Variants in USP32 observed in about 807,000 individuals in gnomAD.
USP32 encodes ubiquitin carboxyl-terminal hydrolase 32.
USP32 carries 59 observed loss-of-function variants against 204.8 expected under a neutral mutation model. The observed-to-expected ratio is 0.29, with a 90% CI of 0.23 to 0.36. The LOEUF is 0.36. Ranked by LOEUF, USP32 falls within the 10% of genes least tolerant of loss-of-function variation. The probability of loss-of-function intolerance (pLI) is 1.00; values close to 1 mark genes in which losing one functional copy is unlikely to be tolerated. For synonymous variants in USP32, 517 were observed against 678.4 expected, an observed-to-expected ratio of 0.76 and a Z score of 3.70; for missense variants, 1,160 against 1,946.4, an observed-to-expected ratio of 0.60 and a Z score of 7.60.
In USP32 at chr17:60,317,967, A is replaced by C. The variant is rs549623091; in HGVS notation, c.187-16263T>G. On this transcript the variant is annotated intron_variant, in intron 2 of 33. Transcript: ENST00000300896. ...GCCACTGCACTCCAGCCTCGGCGACAGAGCCAGACTCCGTCTCAAGAAAAC... is the reference window on the plus strand; with the variant it reads ...GCCACTGCACTCCAGCCTCGGCGACCGAGCCAGACTCCGTCTCAAGAAAAC... Among the ~76,000 whole-genome samples, 5 of 152,392 alleles carry C rather than the reference A, an allele frequency of 3.3e-5. No homozygotes were observed. In the East Asian group the frequency reaches 9.6e-4, roughly 29 times the overall value.
chr17:60,361,398 C>T (rs1407215069), intron 1 of USP32, among the ~76,000 whole-genome samples: 2 of 152,146 alleles, frequency 1.3e-5, no homozygotes, highest in African/African-American at 4.8e-5. Context: ...TCCTTATGTG[C>T]TGTATAGTTT....
intron 26 of USP32, 40 bp downstream of exon 26, chr17:60,205,407 C>A: frequency 3.8e-6 from 6 of 1,597,268 alleles, no homozygotes; most frequent in Non-Finnish European, 4.3e-6. Flanking sequence ...ACAAATGACA[C>A]TAGCAAGACT....
Position 60,268,582 on chromosome 17 carries a change from CAAAAAAAAA to C in USP32, c.811+859_811+867del, listed in dbSNP as rs57060420. On this transcript the variant is annotated intron_variant, in intron 7 of 33. Coordinates refer to ENST00000300896, the MANE Select transcript of USP32 (RefSeq NM_032582.4). ...TGGGCAACAGAACAAGACCCTGTCT[CAAAAAAAAA>C]AAAAAAAAAAAAAAGATTTTAGCTT... 4.4e-3 allele frequency among the ~76,000 whole-genome samples: 199 copies of C among 45,474 alleles called. 3 individuals carry two copies. Among genetic ancestry groups the C allele is most frequent in the African/African-American group, 0.013 (194 of 14,648 alleles). The allele number at this position is 45,474 out of a possible 152,430, so 29.8% of individuals were successfully genotyped here. A position where few individuals can be genotyped will look rare whatever the true frequency, so the allele number is the denominator to read the frequency against.
chr17:60,403,186 ATTT>A (rs1183590779), intron 1 of USP32, among the ~76,000 whole-genome samples: 1 of 151,862 alleles, frequency 6.6e-6, no homozygotes, highest in Non-Finnish European at 1.5e-5. Flanking sequence ...TAATTTTTGT[ATTT>A]TTAGTAGAGA....
At chr17:60,332,582 A>G (rs1166832907) in intron 2 of USP32, among the ~76,000 whole-genome samples, 1 of 151,996 alleles carries the variant, frequency 6.6e-6, no homozygotes, top group Non-Finnish European at 1.5e-5. Flanking sequence ...CAGGAGGCGG[A>G]GACTGCAGTG....
In USP32 at chr17:60,264,507, C is replaced by A. The variant is rs1434312208; in HGVS notation, c.990+905G>T. Among the ~76,000 whole-genome samples the A allele has an allele frequency of 1.3e-5, 2 of 150,790 alleles. 1 individual carries two copies. Among genetic ancestry groups the A allele is most frequent in the African/African-American group, 4.9e-5 (2 of 40,724 alleles). ...TCTAGCCTAGGCAACAGAGCAAGATCCTGTCTCCAAAAAAACAAACAGACA... is the reference window on the plus strand; with the variant it reads ...TCTAGCCTAGGCAACAGAGCAAGATACTGTCTCCAAAAAAACAAACAGACA... On this transcript the variant is annotated intron_variant, in intron 9 of 33. Coordinates refer to ENST00000300896, the MANE Select transcript of USP32 (RefSeq NM_032582.4).
chr17:60,353,014 C>T (rs559817336), intron 1 of USP32, among the ~76,000 whole-genome samples: 1 of 152,352 alleles, frequency 6.6e-6, no homozygotes, highest in East Asian at 1.9e-4. Flanking sequence ...GAATATATTA[C>T]ATTGTATTTA....
chr17:60,338,067 G>A (rs1045930655), intron 2 of USP32, among the ~76,000 whole-genome samples: 5 of 152,118 alleles, frequency 3.3e-5, no homozygotes, highest in Non-Finnish European at 5.9e-5. Context: ...CTCATGCCTT[G>A]TAATCCAGTC....
chr17:60,307,360 C>T (rs923590604), intron 2 of USP32, among the ~76,000 whole-genome samples: 1 of 152,156 alleles, frequency 6.6e-6, no homozygotes, highest in African/African-American at 2.4e-5. Flanking sequence ...CTTGGTCTCC[C>T]AAAGTGCTGG....
intron 1 of USP32, among the ~76,000 whole-genome samples, chr17:60,409,231 C>T (rs1264897956): frequency 3.3e-5 from 5 of 152,136 alleles, no homozygotes; most frequent in South Asian, 2.1e-4. Context: ...GCCTGTAATC[C>T]CCGCTGCTAG....
chr17:60,270,842 AG>A (rs913924531), intron 6 of USP32, among the ~76,000 whole-genome samples: 6 of 151,784 alleles, frequency 4.0e-5, no homozygotes, highest in Non-Finnish European at 8.8e-5. Context: ...AAAAAAAAAA[AG>A]TAACAGCACT....
At chr17:60,337,909 C>T (rs767847952) in intron 2 of USP32, among the ~76,000 whole-genome samples, 9 of 151,644 alleles carry the variant, frequency 5.9e-5, no homozygotes, top group East Asian at 2.0e-4. Flanking sequence ...TTAGACAAGA[C>T]GTACATGAAC....
rs11309727 is a variant in USP32 at position 60,225,952 on chromosome 17, C to CAA, written c.1432+85_1432+86dup. The CAA allele has an allele frequency of 1.1e-3, 1,124 of 1,012,454 alleles. 2 individuals are homozygous for CAA. The African/African-American group carries it at 0.013, about 12-fold the overall frequency. The allele number at this position is 1,012,454 out of a possible 1,614,324, so 62.7% of individuals were successfully genotyped here. On this transcript the variant is annotated intron_variant, in intron 13 of 33. Transcript: ENST00000300896. Reference sequence around the variant, plus strand: ...CTGGGCAAAATGTGAAACTCAGTCTCAAAAAAAAAAAAAAAAAAGAAAAGA... The same window carrying CAA: ...CTGGGCAAAATGTGAAACTCAGTCTCAAAAAAAAAAAAAAAAAAAAGAAAAGA...
intron 1 of USP32, among the ~76,000 whole-genome samples, chr17:60,418,853 G>A (rs2090083404): frequency 6.6e-6 from 1 of 152,122 alleles, no homozygotes; most frequent in African/African-American, 2.4e-5. Context: ...TGATTAAAAA[G>A]TCAAAAAATA....
chr17:60,347,932 C>A (rs1334142346), intron 1 of USP32, among the ~76,000 whole-genome samples: 1 of 151,704 alleles, frequency 6.6e-6, no homozygotes, highest in Non-Finnish European at 1.5e-5. Flanking sequence ...ACCATCCTGG[C>A]TAGCACAATG....
chr17:60,238,586 T>C (rs971683873), intron 11 of USP32, among the ~76,000 whole-genome samples: 2 of 152,048 alleles, frequency 1.3e-5, no homozygotes, highest in Non-Finnish European at 2.9e-5. Flanking sequence ...GCAGATAACC[T>C]GAGGTCAGGA....
intron 5 of USP32, among the ~76,000 whole-genome samples, chr17:60,283,571 T>G (rs888364901): frequency 2.6e-5 from 4 of 151,934 alleles, no homozygotes; most frequent in African/African-American, 9.7e-5. Context: ...GAATCTAATA[T>G]GAAGCTTGAC....
chr17:60,351,927 T>G (rs1231049176), intron 1 of USP32, among the ~76,000 whole-genome samples: 1 of 151,344 alleles, frequency 6.6e-6, no homozygotes, highest in African/African-American at 2.4e-5. Flanking sequence ...TCCTAAAGAG[T>G]AGGGGTTCAC....
At position 60,185,575 on chromosome 17, in the gene USP32, C is replaced by T. The variant is rs145690333; in HGVS notation, c.3719G>A (p.Arg1240His). The change falls in exon 30 of 34, where the codon CGT becomes CAT. Residue 1240 changes from arginine (R) to histidine (H), a missense_variant. Arg to His is a conservative substitution (Grantham distance 29). This residue lies in a region of USP32 where 160 missense variants were observed against 322.5 expected (regional missense o/e 0.50). Coordinates refer to ENST00000300896, the MANE Select transcript of USP32 (RefSeq NM_032582.4). ...AEPINLDSCL[R>H]AFTSEEELGE... ...TAGCTCTTCCTCACTGGTGAAAGCA[C>T]GGAGACAGCTGTCCAGGTTGATGGG... 17 of 1,611,826 alleles carry T rather than the reference C, an allele frequency of 1.1e-5. No homozygotes were observed. The highest frequency in any genetic ancestry group is 2.2e-5 in the South Asian group (2 of 90,986).
Sources: gnomAD v4.1 joint callset for allele counts (sites outside exome capture counted in the v4.1 genomes callset) on GRCh38, gnomAD v4.1.1 for gene constraint, gnomAD v4.1.1 regional missense constraint, MANE v1.5 for transcripts, NCBI Gene and HGNC (gene_info 2026-07-23, HGNC 2026-07-21) for gene names.